SKAP2: variants seen among roughly 807,000 people sequenced by gnomAD.
The protein encoded by SKAP2 is src kinase associated phosphoprotein 2.
A neutral mutation model predicts 54.9 loss-of-function variants in SKAP2; 28 were observed. That is an observed-to-expected ratio of 0.51 (90% CI 0.38 to 0.70). The LOEUF (loss-of-function observed/expected upper bound fraction) is 0.70. Ranked by LOEUF, SKAP2 falls within the 30% of genes least tolerant of loss-of-function variation. SKAP2 has a pLI of 0.00. For synonymous variants in SKAP2, 137 were observed against 134.3 expected, an observed-to-expected ratio of 1.02 and a Z score of -0.14; for missense variants, 356 against 424.1, an observed-to-expected ratio of 0.84 and a Z score of 1.41.
At chr7:26,735,135 C>G in intron 6 of SKAP2, among the ~76,000 whole-genome samples, 1 of 152,276 alleles carries the variant, frequency 6.6e-6, no homozygotes, top group East Asian at 1.9e-4. Context: ...CTGATATCCA[C>G]AAAACCCAAA....
intron 9 of SKAP2, among the ~76,000 whole-genome samples, chr7:26,703,048 C>A (rs1787075392): frequency 6.6e-6 from 1 of 152,230 alleles, no homozygotes; most frequent in East Asian, 1.9e-4. Context: ...GGAGAAGGTG[C>A]ATTTCTAACA....
Position 26,670,186 on chromosome 7 carries a change from T to G in SKAP2, c.994A>C (p.Asn332His), listed in dbSNP as rs1183845237. The G allele has an allele frequency of 2.0e-6, 3 of 1,519,736 alleles. No individual in the cohort carries two copies. Among genetic ancestry groups the G allele is most frequent in the Non-Finnish European group, 2.7e-6 (3 of 1,094,272 alleles). 94.1% of individuals were successfully genotyped at this position (1,519,736 alleles called of 1,614,324 possible). The stretch of plus-strand genomic sequence containing the variant: ...TCTCCTACCCACCAGCCATATCTAT[T>G]GTATTCCTAATTGAAAACAATATGC... ...DVIYILSKEY[N>H]RYGWWVGEMK... The change falls in exon 12 of 13, where the codon AAT (asparagine) becomes CAT (histidine). Residue 332 changes from asparagine (N) to histidine (H), a missense_variant. Physicochemically the swap from Asn to His is moderately conservative, Grantham distance 68. Transcript: ENST00000345317.
At chr7:26,848,228 A>G (rs1218446190) in intron 3 of SKAP2, among the ~76,000 whole-genome samples, 10 of 152,174 alleles carry the variant, frequency 6.6e-5, no homozygotes, top group Non-Finnish European at 1.5e-4. Flanking sequence ...AAGCTGATTT[A>G]CCCAATTTGT....
At chr7:26,768,853 G>C (rs1783121441) in intron 4 of SKAP2, among the ~76,000 whole-genome samples, 1 of 152,128 alleles carries the variant, frequency 6.6e-6, no homozygotes, top group Admixed American at 6.6e-5. Flanking sequence ...TTCCCTTTGT[G>C]GGTAACCCAA....
At chr7:26,821,733 T>C (rs1355853530) in intron 4 of SKAP2, among the ~76,000 whole-genome samples, 2 of 152,132 alleles carry the variant, frequency 1.3e-5, no homozygotes, top group Non-Finnish European at 2.9e-5. Context: ...AGAATCTAAG[T>C]ATCAAGATTC....
intron 4 of SKAP2, among the ~76,000 whole-genome samples, chr7:26,794,022 T>A (rs1783719707): frequency 6.6e-6 from 1 of 152,198 alleles, no homozygotes; most frequent in Admixed American, 6.5e-5. Flanking sequence ...AGCTGCTTCA[T>A]CCAATCCTTC....
chr7:26,749,041 C>G (rs914682952), intron 4 of SKAP2, among the ~76,000 whole-genome samples: 1 of 152,092 alleles, frequency 6.6e-6, no homozygotes, highest in Admixed American at 6.6e-5. Flanking sequence ...AATGTTGTCT[C>G]TTATTACTAC....
chr7:26,687,567 T>C (rs1226025233), intron 10 of SKAP2, among the ~76,000 whole-genome samples: 1 of 152,120 alleles, frequency 6.6e-6, no homozygotes, highest in African/African-American at 2.4e-5. Flanking sequence ...ATATGTTTAT[T>C]AGCCTTAGTC....
intron 5 of SKAP2, 70 bp downstream of exon 5, chr7:26,739,817 G>C (rs1006068303): frequency 1.2e-4 from 134 of 1,089,192 alleles, no homozygotes; most frequent in Non-Finnish European, 1.7e-4. Flanking sequence ...GCCTCCACAT[G>C]TATACTACAA....
At chr7:26,782,792 T>C (rs578119104) in intron 4 of SKAP2, among the ~76,000 whole-genome samples, 2 of 152,316 alleles carry the variant, frequency 1.3e-5, no homozygotes, top group African/African-American at 4.8e-5. Flanking sequence ...CCTAGAGAGC[T>C]GCCTGCTCTT....
At chr7:26,799,532 C>T (rs149735429) in intron 4 of SKAP2, among the ~76,000 whole-genome samples, 1 of 152,084 alleles carries the variant, frequency 6.6e-6, no homozygotes, top group Non-Finnish European at 1.5e-5. Context: ...TATATATGCA[C>T]CCAACACTAG....
intron 4 of SKAP2, among the ~76,000 whole-genome samples, chr7:26,772,750 C>T (rs1783214526): frequency 6.6e-6 from 1 of 152,162 alleles, no homozygotes; most frequent in African/African-American, 2.4e-5. Context: ...ACTCAATCCA[C>T]GTGTGTGTTT....
intron 11 of SKAP2, among the ~76,000 whole-genome samples, chr7:26,676,086 T>C (rs1224347395): frequency 1.3e-5 from 2 of 152,212 alleles, no homozygotes; most frequent in Non-Finnish European, 2.9e-5. Context: ...ATATTCTTCA[T>C]TGAGACTCTA....
intron 4 of SKAP2, among the ~76,000 whole-genome samples, chr7:26,756,343 A>G (rs912373707): frequency 3.3e-5 from 5 of 151,906 alleles, no homozygotes; most frequent in African/African-American, 1.2e-4. Flanking sequence ...CCGCCCCACA[A>G]CAGGTCCCGG....
intron 11 of SKAP2, among the ~76,000 whole-genome samples, chr7:26,675,519 G>T (rs1467813335): frequency 1.3e-5 from 2 of 152,098 alleles, no homozygotes; most frequent in African/African-American, 2.4e-5. Context: ...AAGATCAGAG[G>T]AAGGACTTAC....
rs577214094 is a variant in SKAP2, at chr7:26,812,119, T to C, written c.307+31911A>G. 6.6e-5 allele frequency among the ~76,000 whole-genome samples: 10 copies of C among 152,324 alleles called. No homozygotes were observed. In the South Asian group the frequency reaches 1.9e-3, roughly 28 times the overall value. Reference sequence around the variant, plus strand: ...TTAACCGAAATTGCAAAGGGACAGCTGCTTGATACAAAGGGGCATATTACT... The same window carrying C: ...TTAACCGAAATTGCAAAGGGACAGCCGCTTGATACAAAGGGGCATATTACT... On this transcript the variant is annotated intron_variant, in intron 4 of 12. Transcript: ENST00000345317.
Position 26,854,703 on chromosome 7 carries a change from T to A in SKAP2, c.173+82A>T, listed in dbSNP as rs2127998656. 2.9e-6 allele frequency: 4 copies of A among 1,372,772 alleles called. No homozygotes were observed. In the East Asian group the frequency reaches 1.0e-4, roughly 34 times the overall value. 85.0% of individuals were successfully genotyped at this position (1,372,772 alleles called of 1,614,324 possible). ...CTGGAACATGAAAAATTTAACTCCATAATAATCGATTTCTTATTAAAATGT... is the reference window on the plus strand; with the variant it reads ...CTGGAACATGAAAAATTTAACTCCAAAATAATCGATTTCTTATTAAAATGT... On this transcript the variant is annotated intron_variant, in intron 2 of 12. Transcript: ENST00000345317.
intron 3 of SKAP2, among the ~76,000 whole-genome samples, chr7:26,848,224 A>G (rs1338850211): frequency 6.6e-6 from 1 of 152,202 alleles, no homozygotes; most frequent in Non-Finnish European, 1.5e-5. Context: ...ACTGAAGCTG[A>G]TTTACCCAAT....
At chr7:26,740,722 A>G (rs1782423928) in intron 4 of SKAP2, among the ~76,000 whole-genome samples, 1 of 152,206 alleles carries the variant, frequency 6.6e-6, no homozygotes. Context: ...GCAGTGGCTC[A>G]CGCTTGTAAT....
Sources: gnomAD v4.1 joint callset for allele counts (sites outside exome capture counted in the v4.1 genomes callset) on GRCh38, gnomAD v4.1.1 for gene constraint, MANE v1.5 for transcripts, NCBI Gene and HGNC (gene_info 2026-07-23, HGNC 2026-07-21) for gene names.